BOP1: variants seen among roughly 807,000 people sequenced by gnomAD.
BOP1 encodes the protein ribosome biogenesis protein BOP1.
A neutral mutation model predicts 82.9 loss-of-function variants in BOP1; 54 were observed. The observed-to-expected ratio is 0.65, with a 90% CI of 0.52 to 0.82. BOP1 has a LOEUF of 0.82. BOP1 is among the 40% of genes least tolerant of loss of function. The pLI is 0.00. For missense variants in BOP1, 1,170 were observed against 1,072.0 expected (o/e 1.09, Z -1.28); for synonymous variants, 566 against 451.1 (o/e 1.25, Z -3.23).
intron 2 of BOP1, among the ~76,000 whole-genome samples, chr8:144,287,703 G>A (rs1222333245): frequency 2.0e-5 from 3 of 152,112 alleles, no homozygotes; most frequent in Admixed American, 1.3e-4. Flanking sequence ...AAGGGGTAAC[G>A]TAGTTGTCCA....
chr8:144,273,512 G>A (rs752942142), intron 3 of BOP1, among the ~76,000 whole-genome samples: 6 of 152,236 alleles, frequency 3.9e-5, no homozygotes, highest in East Asian at 1.9e-4. Flanking sequence ...AGCCTGCTAC[G>A]CTTTCCTGAC....
intron 3 of BOP1, among the ~76,000 whole-genome samples, chr8:144,271,578 G>T (rs1335667353): frequency 6.6e-6 from 1 of 152,152 alleles, no homozygotes; most frequent in Non-Finnish European, 1.5e-5. Flanking sequence ...TCTTCCTCAG[G>T]GTTTTATCTG....
intron 8 of BOP1, 27 bp from the exon 9 acceptor site, chr8:144,263,938 C>T: frequency 6.2e-7 from 1 of 1,611,510 alleles, no homozygotes; most frequent in Non-Finnish European, 8.5e-7. Context: ...CCAGGTCAGC[C>T]TTGCCCCCTG....
chr8:144,264,206 C>T lies in BOP1; in HGVS notation c.978+19G>A. The T allele has an allele frequency of 5.6e-6, 9 of 1,607,406 alleles. No homozygotes were observed. Among genetic ancestry groups the T allele is most frequent in the Non-Finnish European group, 4.2e-6 (5 of 1,177,962 alleles). ...GGAAGCATGGGGACAGGGTCCCGGC[C>T]CCCAGGATGCAGGCCCACCTCCTCC... On this transcript the variant is annotated intron_variant, in intron 7 of 15. Transcript: ENST00000569669.
intron 2 of BOP1, among the ~76,000 whole-genome samples, chr8:144,285,810 T>C (rs747421955): frequency 1.3e-5 from 2 of 152,224 alleles, no homozygotes; most frequent in Non-Finnish European, 2.9e-5. Flanking sequence ...GAGCCCCTGG[T>C]GGCCCGGCCC....
At chr8:144,281,393 A>C (rs71515605) in intron 2 of BOP1, among the ~76,000 whole-genome samples, 1 of 1,346 alleles carries the variant, frequency 7.4e-4, no homozygotes, top group African/African-American at 1.1e-3. Context: ...CCCTCAGTTT[A>C]ATACCAGGTC....
At chr8:144,266,943 G>A (rs1845384141) in intron 3 of BOP1, 6 of 1,560,746 alleles carry the variant, frequency 3.8e-6, no homozygotes, top group East Asian at 2.4e-5. Flanking sequence ...CCGACCGCAA[G>A]CTCTCCAAGA....
At chr8:144,290,900 T>C (rs945361646) in intron 1 of BOP1, among the ~76,000 whole-genome samples, 1 of 152,238 alleles carries the variant, frequency 6.6e-6, no homozygotes, top group Non-Finnish European at 1.5e-5. Flanking sequence ...GGTTTTCTTA[T>C]TCTCATGTCT....
chr8:144,275,011 T>C (rs1845547085), intron 3 of BOP1, among the ~76,000 whole-genome samples: 1 of 151,956 alleles, frequency 6.6e-6, no homozygotes, highest in Non-Finnish European at 1.5e-5. Flanking sequence ...TTTTGTTTTG[T>C]CTCTGTTCTC....
chr8:144,289,057 T>A (rs782796453), intron 2 of BOP1, 38 bp downstream of exon 2: 1 of 1,610,606 alleles, frequency 6.2e-7, no homozygotes, highest in Non-Finnish European at 8.5e-7. Flanking sequence ...CACCTGCACA[T>A]GGGGGACAGC....
intron 3 of BOP1, among the ~76,000 whole-genome samples, chr8:144,267,640 C>A (rs1195120624): frequency 1.3e-5 from 2 of 152,206 alleles, no homozygotes; most frequent in Non-Finnish European, 2.9e-5. Flanking sequence ...CTGTCCGTCC[C>A]CCACCTAGGC....
chr8:144,263,362 G>T lies in BOP1; in HGVS notation c.1464C>A (p.Asp488Glu). 2 of 1,597,000 alleles carry T rather than the reference G, an allele frequency of 1.3e-6. No individual in the cohort carries two copies. Among genetic ancestry groups the T allele is most frequent in the Non-Finnish European group, 1.7e-6 (2 of 1,179,546 alleles). The change falls in exon 12 of 16, where the codon GAC becomes GAA. Residue 488 changes from aspartate (D) to glutamate (E), a missense_variant. Physicochemically the swap from Asp to Glu is conservative, Grantham distance 45 (BLOSUM62 2). Transcript: ENST00000569669. ...GATCTGTGCTGCCCGCCACCAGCCG[G>T]TCCCCCAGAGCTGGGTTCAGCAGCA... is the stretch of plus-strand genomic sequence containing the variant. ...SVLLLNPALGDRLVAGSTDQL... is the reference protein window; with the variant it reads ...SVLLLNPALGERLVAGSTDQL...
At chr8:144,286,012 A>C (rs972404208) in intron 2 of BOP1, among the ~76,000 whole-genome samples, 1 of 152,334 alleles carries the variant, frequency 6.6e-6, no homozygotes, top group South Asian at 2.1e-4. Flanking sequence ...AGGAGGCAGC[A>C]CTGGGCTGCC....
Position 144,263,487 on chromosome 8 carries a change from G to A in BOP1, c.1415C>T (p.Ala472Val), listed in dbSNP as rs1845282280. 3 of 1,598,446 alleles carry A rather than the reference G, an allele frequency of 1.9e-6. No individual in the cohort carries two copies. In the South Asian group the frequency reaches 3.3e-5, roughly 18 times the overall value. The change falls in exon 11 of 16, where the codon GCT (alanine) becomes GTT (valine). Residue 472 changes from alanine (A) to valine (V), a missense_variant. By Grantham distance (64) the Ala-to-Val change is moderately conservative. Transcript: ENST00000569669. ...CAGGGCCTCCACTTACACGGCTGCA[G>A]CCACCAGGCAGACAGCGGGGCTGGG... ...WNPSPAVCLV[A>V]AAVEDSVLLL...
At chr8:144,290,348 A>AG (rs1423552123) in intron 1 of BOP1, among the ~76,000 whole-genome samples, 13 of 151,858 alleles carry the variant, frequency 8.6e-5, no homozygotes, top group Non-Finnish European at 1.5e-4. Context: ...CAAAAAAAAA[A>AG]AAAAGAAAAA....
chr8:144,263,962 G>A lies in BOP1; in HGVS notation c.1140+19C>T. On this transcript the variant is annotated intron_variant, in intron 8 of 15. Transcript: ENST00000569669. ...CCTTGCCCCCTGTGCCACCCCCCTGGTGTGCCACCCCCACACACCCTCATC... is the reference window on the plus strand; with the variant it reads ...CCTTGCCCCCTGTGCCACCCCCCTGATGTGCCACCCCCACACACCCTCATC... 2 of 1,611,102 alleles carry A rather than the reference G, an allele frequency of 1.2e-6. No homozygotes were observed. Among genetic ancestry groups the A allele is most frequent in the Non-Finnish European group, 1.7e-6 (2 of 1,179,562 alleles).
At chr8:144,278,017 G>A (rs587772117) in intron 2 of BOP1, among the ~76,000 whole-genome samples, 74 of 152,296 alleles carry the variant, frequency 4.9e-4, no homozygotes, top group Admixed American at 2.0e-3. Flanking sequence ...ACCCCCTCCC[G>A]CCACGCCCAT....
intron 2 of BOP1, among the ~76,000 whole-genome samples, chr8:144,279,317 C>A (rs930744757): frequency 3.0e-4 from 44 of 148,220 alleles, no homozygotes; most frequent in African/African-American, 9.7e-4. Flanking sequence ...TGGGCCCTGA[C>A]GATCACAGGC....
At chr8:144,276,110 A>G in intron 3 of BOP1, 114 bp downstream of exon 3, 1 of 1,247,004 alleles carries the variant, frequency 8.0e-7, no homozygotes. Flanking sequence ...AGTGCGGCCC[A>G]CCTGCGGCAG....
Sources: gnomAD v4.1 joint callset for allele counts (sites outside exome capture counted in the v4.1 genomes callset) on GRCh38, gnomAD v4.1.1 for gene constraint, MANE v1.5 for transcripts, NCBI Gene and HGNC (gene_info 2026-07-23, HGNC 2026-07-21) for gene names.